Variants in ZBED4 observed in about 807,000 individuals in gnomAD.
ZBED4 encodes the protein zinc finger BED-type containing 4.
A neutral mutation model predicts 15.5 loss-of-function variants in ZBED4; 4 were observed. The observed-to-expected ratio is 0.26, with a 90% CI of 0.13 to 0.59. The LOEUF (loss-of-function observed/expected upper bound fraction) is 0.59, where lower values mean the gene tolerates loss of function less well. Among genes scored for constraint, ZBED4 ranks in the 20% least tolerant of loss-of-function variants. The pLI, the probability that ZBED4 is intolerant of heterozygous loss-of-function variation, is 0.90. For synonymous variants in ZBED4, 692 were observed against 608.5 expected, an observed-to-expected ratio of 1.14 and a Z score of -2.02; for missense variants, 1,323 against 1,461.8, an observed-to-expected ratio of 0.91 and a Z score of 1.55.
In ZBED4 at chr22:49,888,986, T is replaced by C. The variant is rs1263614048; in HGVS notation, c.*1808T>C. On this transcript the variant is annotated 3_prime_UTR_variant, in exon 2 of 2. Transcript: ENST00000216268. ...CAGTCCTGTGTTTCTTAAGATTGTA[T>C]TTGGAATGGTAATATCCTTAGAATT... 1 of 167,286 alleles carries C rather than the reference T, an allele frequency of 6.0e-6. No individual in the cohort carries two copies. Among genetic ancestry groups the C allele is most frequent in the Non-Finnish European group, 1.5e-5 (1 of 68,140 alleles). The allele number at this position is 167,286 out of a possible 1,614,324, so 10.4% of individuals were successfully genotyped here.
At chr22:49,861,027 C>T (rs2060295091) in intron 1 of ZBED4, among the ~76,000 whole-genome samples, 1 of 151,802 alleles carries the variant, frequency 6.6e-6, no homozygotes, top group African/African-American at 2.4e-5. Flanking sequence ...CCACCCACCT[C>T]GGCCTCCCAA....
At position 49,883,824 on chromosome 22, in the gene ZBED4, C is replaced by T. The variant is rs780018166; in HGVS notation, c.162C>T (p.Ser54=). 2.5e-5 allele frequency: 41 copies of T among 1,611,702 alleles called. No homozygotes were observed. The highest frequency in any genetic ancestry group is 3.3e-5 in the Non-Finnish European group (39 of 1,178,130). The change falls in exon 2 of 2, where the codon AGC becomes AGT. Residue 54 remains serine (S), a synonymous_variant. Coordinates refer to ENST00000216268, the MANE Select transcript of ZBED4 (RefSeq NM_014838.3). ...SEQEDMKQTD[S]GGERAGLGGT... Reference sequence around the variant, plus strand: ...AGGAGGACATGAAGCAGACAGACAGCGGTGGGGAGCGAGCGGGCCTCGGTG... The same window carrying T: ...AGGAGGACATGAAGCAGACAGACAGTGGTGGGGAGCGAGCGGGCCTCGGTG...
chr22:49,887,361 G>A lies in ZBED4; in HGVS notation c.*183G>A, dbSNP rs73891150. On this transcript the variant is annotated 3_prime_UTR_variant, in exon 2 of 2. Coordinates refer to ENST00000216268, the MANE Select transcript of ZBED4 (RefSeq NM_014838.3). ...CCCCTTCTCCTTCAGGCCAAGTTTC[G>A]CGGGGTGTTTTATTAAGACGTCCAC... 1.8e-3 allele frequency: 946 copies of A among 537,296 alleles called. 9 individuals are homozygous for A. Among genetic ancestry groups the A allele is most frequent in the African/African-American group, 0.016 (834 of 53,238 alleles). 33.3% of individuals were successfully genotyped at this position (537,296 alleles called of 1,614,324 possible).
intron 1 of ZBED4, among the ~76,000 whole-genome samples, chr22:49,870,669 GTTAT>G (rs2060342422): frequency 6.6e-6 from 1 of 151,826 alleles, no homozygotes; most frequent in Non-Finnish European, 1.5e-5. Context: ...TTTTAATGGG[GTTAT>G]TTTATTTCTT....
rs577640374 is a variant in ZBED4, at chr22:49,869,384, G to A, written c.-329-13950G>A. Among the ~76,000 whole-genome samples, 10 of 152,190 alleles carry A rather than the reference G, an allele frequency of 6.6e-5. No individual in the cohort carries two copies. The South Asian group carries it at 1.7e-3, about 25-fold the overall frequency. ...ATCCACCTCGGGCCTTTTTGGCAGCGCTCGTCCTCCAGACCAGATTATTTC... is the reference window on the plus strand; with the variant it reads ...ATCCACCTCGGGCCTTTTTGGCAGCACTCGTCCTCCAGACCAGATTATTTC... On this transcript the variant is annotated intron_variant, in intron 1 of 1. Coordinates refer to ENST00000216268, the MANE Select transcript of ZBED4 (RefSeq NM_014838.3).
rs766969107 is a variant in ZBED4, at chr22:49,886,901, T to G, written c.3239T>G (p.Leu1080Arg). ...KVKKKDPREK[L>R]PEAMVLAYLE... is the part of the protein sequence containing the mutation. Reference sequence around the variant, plus strand: ...AAGAAGAAAGACCCAAGAGAAAAGCTGCCTGAAGCCATGGTGCTTGCGTAT... The same window carrying G: ...AAGAAGAAAGACCCAAGAGAAAAGCGGCCTGAAGCCATGGTGCTTGCGTAT... The change falls in exon 2 of 2, where the codon CTG becomes CGG. Residue 1080 changes from leucine (L) to arginine (R), a missense_variant. Physicochemically the swap from Leu to Arg is moderately radical, Grantham distance 102. Transcript: ENST00000216268. This position sits in a 1 kb window ranked among gnomAD's most constrained non-coding sequence, Gnocchi z 7.7. The G allele has an allele frequency of 3.1e-6, 5 of 1,614,174 alleles. No homozygotes were observed. Among genetic ancestry groups the G allele is most frequent in the Non-Finnish European group, 4.2e-6 (5 of 1,180,034 alleles).
In ZBED4 at chr22:49,884,271, C is replaced by G; in HGVS notation, c.609C>G (p.Leu203=). ...PADAGDLSTI[L]SPIKLVQKVA... ...ACGCGGGTGACCTCAGCACCATCCT[C>G]TCACCCATCAAACTTGTCCAGAAAG... The change falls in exon 2 of 2, where the codon CTC becomes CTG. Residue 203 remains leucine, a synonymous_variant. Transcript: ENST00000216268. 1.2e-6 allele frequency: 2 copies of G among 1,611,242 alleles called. No homozygotes were observed. Among genetic ancestry groups the G allele is most frequent in the Non-Finnish European group, 1.7e-6 (2 of 1,178,476 alleles).
At chr22:49,860,551 T>C (rs144311667) in intron 1 of ZBED4, among the ~76,000 whole-genome samples, 168 of 152,358 alleles carry the variant, frequency 1.1e-3, no homozygotes, top group African/African-American at 4.0e-3. Flanking sequence ...AAGTGCTGTA[T>C]TTTAAAGTTC....
At chr22:49,855,808 G>C (rs2060272760) in intron 1 of ZBED4, among the ~76,000 whole-genome samples, 1 of 151,212 alleles carries the variant, frequency 6.6e-6, no homozygotes, top group Non-Finnish European at 1.5e-5. Flanking sequence ...CCCAGCCCTG[G>C]GGTAGAGGCC....
At chr22:49,863,344 G>T (rs1194664710) in intron 1 of ZBED4, among the ~76,000 whole-genome samples, 1 of 152,112 alleles carries the variant, frequency 6.6e-6, no homozygotes, top group African/African-American at 2.4e-5. Flanking sequence ...AAATTTTTTT[G>T]TAGGCCGGGT....
intron 1 of ZBED4, among the ~76,000 whole-genome samples, chr22:49,882,787 A>G (rs1271955767): frequency 6.6e-6 from 1 of 152,200 alleles, no homozygotes; most frequent in East Asian, 1.9e-4. Flanking sequence ...GGGTGACAGG[A>G]GGATGGGCTG....
Position 49,888,601 on chromosome 22 carries a change from A to G in ZBED4, c.*1423A>G, listed in dbSNP as rs2060452385. On this transcript the variant is annotated 3_prime_UTR_variant, in exon 2 of 2. Coordinates refer to ENST00000216268, the MANE Select transcript of ZBED4 (RefSeq NM_014838.3). The stretch of plus-strand genomic sequence containing the variant: ...GTGGAGATGTAATTCTTACAACAAC[A>G]GTTCTGATCATGGCCATGGTGATGA... 6.0e-6 allele frequency: 1 copy of G among 167,266 alleles called. No homozygotes were observed. The highest frequency in any genetic ancestry group is 1.5e-5 in the Non-Finnish European group (1 of 68,136). The allele number at this position is 167,266 out of a possible 1,614,324, so 10.4% of individuals were successfully genotyped here.
At chr22:49,877,627 C>T (rs1449769718) in intron 1 of ZBED4, among the ~76,000 whole-genome samples, 2 of 152,064 alleles carry the variant, frequency 1.3e-5, no homozygotes, top group Non-Finnish European at 2.9e-5. Flanking sequence ...AATTGATATA[C>T]AATAAACACA....
At chr22:49,855,117 A>G (rs2060269402) in intron 1 of ZBED4, among the ~76,000 whole-genome samples, 2 of 152,206 alleles carry the variant, frequency 1.3e-5, no homozygotes, top group Non-Finnish European at 2.9e-5. Context: ...GAGGGTTTCC[A>G]ATGGGACGTC....
rs764559811 is a variant in ZBED4, at chr22:49,885,670, C to T, written c.2008C>T (p.Leu670Phe). The T allele has an allele frequency of 1.9e-6, 3 of 1,612,840 alleles. No homozygotes were observed. The highest frequency in any genetic ancestry group is 2.5e-6 in the Non-Finnish European group (3 of 1,178,940). Residue 670 changes from leucine to phenylalanine, a missense_variant, in exon 2 of 2, where the codon CTC (leucine) becomes TTC (phenylalanine). Leu to Phe is a conservative substitution (Grantham distance 22). Transcript: ENST00000216268. ...SLIAEMIALD[L>F]QPYSFVDNVG... is the part of the protein sequence containing the mutation. ...CATAGCTGAAATGATTGCACTTGAC[C>T]TCCAGCCATATTCTTTTGTAGACAA...
chr22:49,871,986 C>T (rs1003543943), intron 1 of ZBED4, among the ~76,000 whole-genome samples: 10 of 152,140 alleles, frequency 6.6e-5, no homozygotes, highest in South Asian at 2.1e-4. Context: ...CCTCGTGATC[C>T]GCCTGCCTCG....
At chr22:49,856,549 G>T (rs937046268) in intron 1 of ZBED4, among the ~76,000 whole-genome samples, 4 of 152,206 alleles carry the variant, frequency 2.6e-5, no homozygotes, top group African/African-American at 9.7e-5. Flanking sequence ...CGGCCCAAGC[G>T]CCTGCTGCTG....
intron 1 of ZBED4, among the ~76,000 whole-genome samples, chr22:49,861,963 C>T (rs1011455153): frequency 2.0e-5 from 3 of 152,178 alleles, no homozygotes; most frequent in Non-Finnish European, 4.4e-5. Flanking sequence ...CACAGGCCTG[C>T]ACCCTGTCAG....
chr22:49,867,416 G>A (rs1253881196), intron 1 of ZBED4, among the ~76,000 whole-genome samples: 21 of 152,360 alleles, frequency 1.4e-4, no homozygotes, highest in Non-Finnish European at 7.3e-5. Context: ...CACTGGGTCA[G>A]TTGGCTGACG....
Sources: gnomAD v4.1 joint callset for allele counts (sites outside exome capture counted in the v4.1 genomes callset) on GRCh38, gnomAD v4.1.1 for gene constraint, Gnocchi (gnomAD v3.1) non-coding constraint, MANE v1.5 for transcripts, NCBI Gene and HGNC (gene_info 2026-07-23, HGNC 2026-07-21) for gene names.